GTF2A1L: variants seen among roughly 807,000 people sequenced by gnomAD.
The protein encoded by GTF2A1L is general transcription factor IIA subunit 1 like, also known as TFIIA-alpha and beta-like factor.
GTF2A1L carries 48 observed loss-of-function variants against 49.7 expected under a neutral mutation model. The observed-to-expected ratio is 0.97, with a 90% CI of 0.77 to 1.23. GTF2A1L has a LOEUF of 1.23. Ranked by LOEUF, GTF2A1L falls within the 50% of genes most tolerant of loss-of-function variation. The pLI is 0.00. For synonymous variants in GTF2A1L, 246 were observed against 193.5 expected, an observed-to-expected ratio of 1.27 and a Z score of -2.25; for missense variants, 736 against 564.8, an observed-to-expected ratio of 1.30 and a Z score of -3.07.
intron 3 of GTF2A1L, among the ~76,000 whole-genome samples, chr2:48,642,036 A>C (rs182969890): frequency 6.6e-5 from 10 of 152,342 alleles, no homozygotes; most frequent in Admixed American, 5.2e-4. Context: ...ATGTTGGGTT[A>C]ACATATTTAT....
At chr2:48,647,423 G>A (rs546795658) in intron 6 of GTF2A1L, among the ~76,000 whole-genome samples, 14 of 152,132 alleles carry the variant, frequency 9.2e-5, no homozygotes, top group Middle Eastern at 3.4e-3. Flanking sequence ...GAGAAAATGC[G>A]TTTGTTTTAA....
At chr2:48,671,160 A>T (rs1266179185) in intron 7 of GTF2A1L, among the ~76,000 whole-genome samples, 2 of 151,954 alleles carry the variant, frequency 1.3e-5, no homozygotes, top group Non-Finnish European at 2.9e-5. Context: ...GACTTTTAGT[A>T]CAATTATATT....
intron 6 of GTF2A1L, among the ~76,000 whole-genome samples, chr2:48,651,521 T>C (rs1411536859): frequency 2.0e-5 from 3 of 151,942 alleles, no homozygotes; most frequent in African/African-American, 4.8e-5. Context: ...CTCTATACCA[T>C]TGGAGCTCCT....
chr2:48,643,953 C>T (rs1677351307), intron 4 of GTF2A1L, among the ~76,000 whole-genome samples: 1 of 152,082 alleles, frequency 6.6e-6, no homozygotes, highest in South Asian at 2.1e-4. Context: ...CCCACCATGG[C>T]CTCCCAAAGT....
chr2:48,647,184 A>G (rs1404845465), intron 6 of GTF2A1L, 142 bp downstream of exon 6: 1 of 810,918 alleles, frequency 1.2e-6, no homozygotes, highest in African/African-American at 1.8e-5. Flanking sequence ...TCTTTTTTCT[A>G]GTGATTTAAA....
At chr2:48,670,230 C>A (rs1186178264) in intron 7 of GTF2A1L, among the ~76,000 whole-genome samples, 1 of 151,690 alleles carries the variant, frequency 6.6e-6, no homozygotes, top group Non-Finnish European at 1.5e-5. Flanking sequence ...CCTGTCTTTA[C>A]TAATAAAACA....
Position 48,625,419 on chromosome 2 carries a change from G to A in GTF2A1L, c.247+4129G>A, listed in dbSNP as rs1203579872. Among the ~76,000 whole-genome samples, 3 of 143,706 alleles carry A rather than the reference G, an allele frequency of 2.1e-5. 1 individual carries two copies. The highest frequency in any genetic ancestry group is 3.1e-5 in the Non-Finnish European group (2 of 63,898). 94.3% of individuals were successfully genotyped at this position (143,706 alleles called of 152,430 possible). The stretch of plus-strand genomic sequence containing the variant: ...TTTTGAAAAGGTTATTTGTTTTTCT[G>A]TTATTGAGTTGTGTAAATCTTTTAA... On this transcript the variant is annotated intron_variant, in intron 3 of 8. Transcript: ENST00000403751.
chr2:48,671,747 G>A, intron 8 of GTF2A1L, 67 bp downstream of exon 8: 1 of 1,416,210 alleles, frequency 7.1e-7, no homozygotes, highest in Non-Finnish European at 9.8e-7. Context: ...TATGTAAAAT[G>A]ATGGGAAATA....
chr2:48,644,871 T>C (rs1024877562), intron 4 of GTF2A1L, among the ~76,000 whole-genome samples, 162 bp from the exon 5 acceptor site: 2 of 152,174 alleles, frequency 1.3e-5, no homozygotes, highest in Admixed American at 6.5e-5. Flanking sequence ...ATGATCGATA[T>C]TGAAAACTAT....
intron 6 of GTF2A1L, among the ~76,000 whole-genome samples, chr2:48,666,324 G>A (rs1201178268): frequency 6.6e-6 from 1 of 151,806 alleles, no homozygotes; most frequent in South Asian, 2.1e-4. Flanking sequence ...ACCTGCCTCA[G>A]CCTCCTGAAG....
At chr2:48,645,348 A>G (rs929481780) in intron 5 of GTF2A1L, among the ~76,000 whole-genome samples, 1 of 152,148 alleles carries the variant, frequency 6.6e-6, no homozygotes, top group South Asian at 2.1e-4. Context: ...CTTTCCCAAC[A>G]TTGTATAGGG....
intron 1 of GTF2A1L, chr2:48,618,189 C>G (rs72806141): frequency 0.011 from 4,300 of 382,092 alleles, 43 homozygotes; most frequent in Non-Finnish European, 0.015. Flanking sequence ...GATCCTCAAC[C>G]CTGCTGGTTT....
chr2:48,623,673 A>G (rs922922479), intron 3 of GTF2A1L, among the ~76,000 whole-genome samples: 1 of 152,190 alleles, frequency 6.6e-6, no homozygotes, highest in Admixed American at 6.5e-5. Context: ...CAACCCATAC[A>G]TGGTGGATTG....
chr2:48,638,367 G>A (rs995048387), intron 3 of GTF2A1L, among the ~76,000 whole-genome samples: 1 of 152,102 alleles, frequency 6.6e-6, no homozygotes, highest in South Asian at 2.1e-4. Flanking sequence ...ACATCAAAAA[G>A]CTAATCCACC....
At chr2:48,672,750 AT>A (rs1679240732) in intron 8 of GTF2A1L, among the ~76,000 whole-genome samples, 2 of 152,224 alleles carry the variant, frequency 1.3e-5, no homozygotes, top group African/African-American at 2.4e-5. Context: ...ATTCATGAAT[AT>A]TTATATTCTT....
At chr2:48,630,954 A>G (rs1016964029) in intron 3 of GTF2A1L, among the ~76,000 whole-genome samples, 2 of 152,212 alleles carry the variant, frequency 1.3e-5, no homozygotes, top group African/African-American at 4.8e-5. Flanking sequence ...CCAACTTTAC[A>G]TCCCAGGAAT....
At chr2:48,639,101 A>C (rs775635745) in intron 3 of GTF2A1L, among the ~76,000 whole-genome samples, 1 of 152,210 alleles carries the variant, frequency 6.6e-6, no homozygotes, top group Non-Finnish European at 1.5e-5. Flanking sequence ...GGAAGAATCA[A>C]TATTATTAAA....
chr2:48,640,660 C>A (rs1246771162), intron 3 of GTF2A1L, among the ~76,000 whole-genome samples: 1 of 152,104 alleles, frequency 6.6e-6, no homozygotes, highest in Non-Finnish European at 1.5e-5. Context: ...ACCTGTGGAA[C>A]AAACCTTCAC....
At chr2:48,618,928 AT>A (rs1195546726) in intron 1 of GTF2A1L, among the ~76,000 whole-genome samples, 1 of 152,054 alleles carries the variant, frequency 6.6e-6, no homozygotes, top group Non-Finnish European at 1.5e-5. Flanking sequence ...CTGTGTTAAG[AT>A]TTTTTAGACC....
Sources: allele counts gnomAD v4.1 joint callset (sites outside exome capture counted in the v4.1 genomes callset), GRCh38; gene constraint gnomAD v4.1.1; transcripts MANE v1.5; gene names NCBI Gene and HGNC (gene_info 2026-07-23, HGNC 2026-07-21).